Variants in CHRM3 observed in about 807,000 individuals in gnomAD.
CHRM3 encodes the protein muscarinic acetylcholine receptor M3.
In CHRM3, 11 loss-of-function variants were observed where a neutral mutation model predicts 41.8. The observed-to-expected ratio is 0.26, with a 90% confidence interval of 0.17 to 0.44. The LOEUF (loss-of-function observed/expected upper bound fraction) is 0.44, where lower values mean the gene tolerates loss of function less well. Among genes scored for constraint, CHRM3 ranks in the 20% least tolerant of loss-of-function variants. CHRM3 has a pLI of 1.00. For synonymous variants in CHRM3, 297 were observed against 301.4 expected (o/e 0.99, Z 0.15); for missense variants, 571 against 745.4 (o/e 0.77, Z 2.72).
chr1:239,539,936 A>G (rs1658591396), intron 2 of CHRM3, among the ~76,000 whole-genome samples: 2 of 151,902 alleles, frequency 1.3e-5, no homozygotes, highest in Non-Finnish European at 2.9e-5. Context: ...TTTTTACTTC[A>G]CCTTTTCTAT....
intron 4 of CHRM3, among the ~76,000 whole-genome samples, chr1:239,639,194 G>C (rs926644568): frequency 6.6e-6 from 1 of 152,142 alleles, no homozygotes; most frequent in Non-Finnish European, 1.5e-5. Flanking sequence ...AAGTCAGGTA[G>C]TATGATGCCT....
chr1:239,782,659 T>C (rs927387906), intron 5 of CHRM3, among the ~76,000 whole-genome samples: 7 of 152,096 alleles, frequency 4.6e-5, no homozygotes, highest in African/African-American at 1.7e-4. Context: ...CTGCTTACTT[T>C]GGAATTGATT....
chr1:239,435,991 G>A (rs993487603), intron 1 of CHRM3, among the ~76,000 whole-genome samples: 14 of 152,132 alleles, frequency 9.2e-5, no homozygotes, highest in Non-Finnish European at 2.1e-4. Flanking sequence ...GAAGTGGAAA[G>A]CTGACAAAGT....
At chr1:239,549,275 T>C (rs2148429993) in intron 3 of CHRM3, among the ~76,000 whole-genome samples, 1 of 152,190 alleles carries the variant, frequency 6.6e-6, no homozygotes, top group Middle Eastern at 3.4e-3. Context: ...TTTTGTGGAT[T>C]TCTACTTATC....
At chr1:239,832,454 TTGACCATGCTAAG>T (rs149901361) in intron 6 of CHRM3, among the ~76,000 whole-genome samples, 13,096 of 152,156 alleles carry the variant, frequency 0.086, 620 homozygotes, top group Non-Finnish European at 0.11. Context: ...CATTCCTTAC[TTGACCATGCTAAG>T]AAGCCCTCGT....
chr1:239,695,412 G>T (rs1433576094), intron 5 of CHRM3, among the ~76,000 whole-genome samples: 1 of 152,200 alleles, frequency 6.6e-6, no homozygotes, highest in East Asian at 1.9e-4. Context: ...TTTGTAGATT[G>T]TTATTTAGGA....
chr1:239,785,785 T>G (rs1171199280), intron 5 of CHRM3, among the ~76,000 whole-genome samples: 1 of 152,208 alleles, frequency 6.6e-6, no homozygotes, highest in African/African-American at 2.4e-5. Flanking sequence ...TGGAAGCAGC[T>G]GCCACTAATA....
chr1:239,703,969 C>T (rs1660913171), intron 5 of CHRM3: 1 of 152,102 alleles, frequency 6.6e-6, no homozygotes, highest in African/African-American at 2.4e-5. Flanking sequence ...GACATTTCAA[C>T]TGGAAAGAGC....
At chr1:239,642,767 G>A (rs1254995767) in intron 4 of CHRM3, among the ~76,000 whole-genome samples, 1 of 152,128 alleles carries the variant, frequency 6.6e-6, no homozygotes, top group Admixed American at 6.5e-5. Context: ...CTCTCAACTC[G>A]TCAAAGTCAT....
chr1:239,418,247 G>A (rs12129794), intron 1 of CHRM3, among the ~76,000 whole-genome samples: 3 of 152,066 alleles, frequency 2.0e-5, no homozygotes, highest in African/African-American at 7.2e-5. Flanking sequence ...CTGACATTCT[G>A]CTGGCAGCTC....
At chr1:239,744,992 G>T (rs1442807819) in intron 5 of CHRM3, among the ~76,000 whole-genome samples, 1 of 152,110 alleles carries the variant, frequency 6.6e-6, no homozygotes, top group Admixed American at 6.5e-5. Context: ...GCAAGGGGTG[G>T]TTTGGAATGA....
At chr1:239,730,215 TTATAGA>T (rs532337527) in intron 5 of CHRM3, among the ~76,000 whole-genome samples, 190 of 152,140 alleles carry the variant, frequency 1.2e-3, no homozygotes, top group South Asian at 3.7e-3. Flanking sequence ...TTTTAATATG[TTATAGA>T]TATATATCCC....
At position 239,877,882 on chromosome 1, in the gene CHRM3, A is replaced by C. The variant is rs532945611; in HGVS notation, c.-19-29551A>C. 6.8e-4 allele frequency among the ~76,000 whole-genome samples: 100 copies of C among 147,314 alleles called. 1 individual carries two copies. The highest frequency in any genetic ancestry group is 3.5e-3 in the Middle Eastern group (1 of 284). On this transcript the variant is annotated intron_variant, in intron 6 of 6. Transcript: ENST00000676153. The stretch of plus-strand genomic sequence containing the variant: ...GTGCATTACATTTATTGTGCACTTT[A>C]TTTCTTTCTTTTTTTTTTTTTTTAA...
chr1:239,684,709 G>A (rs1186581358), intron 5 of CHRM3, among the ~76,000 whole-genome samples: 2 of 92,400 alleles, frequency 2.2e-5, no homozygotes, highest in Admixed American at 1.2e-4. Context: ...GAGAGAGAGA[G>A]GAAAGAAGAA....
chr1:239,540,648 ACG>A (rs1361226080), intron 2 of CHRM3, among the ~76,000 whole-genome samples: 1 of 152,178 alleles, frequency 6.6e-6, no homozygotes, highest in Non-Finnish European at 1.5e-5. Flanking sequence ...CTACAAACAC[ACG>A]GTCTTATTAT....
At chr1:239,831,582 G>T (rs891158110) in intron 6 of CHRM3, among the ~76,000 whole-genome samples, 2 of 152,182 alleles carry the variant, frequency 1.3e-5, no homozygotes, top group African/African-American at 4.8e-5. Context: ...GTTATAGAAA[G>T]AATATCAAAC....
intron 1 of CHRM3, among the ~76,000 whole-genome samples, chr1:239,485,577 G>A (rs1667136582): frequency 6.6e-6 from 1 of 152,080 alleles, no homozygotes; most frequent in African/African-American, 2.4e-5. Context: ...ACCACACCTG[G>A]CTCCCTATTA....
chr1:239,814,486 A>G (rs1671405610), intron 5 of CHRM3, among the ~76,000 whole-genome samples: 1 of 152,172 alleles, frequency 6.6e-6, no homozygotes, highest in Non-Finnish European at 1.5e-5. Flanking sequence ...CCCAGCCCTC[A>G]CCACGGGAGG....
chr1:239,495,032 A>G (rs943958762), intron 2 of CHRM3, among the ~76,000 whole-genome samples: 1 of 152,120 alleles, frequency 6.6e-6, no homozygotes, highest in African/African-American at 2.4e-5. Context: ...AGAATTCTTT[A>G]ACATTTTTCA....
Sources: gnomAD v4.1 joint callset for allele counts (sites outside exome capture counted in the v4.1 genomes callset) on GRCh38, gnomAD v4.1.1 for gene constraint, MANE v1.5 for transcripts, NCBI Gene and HGNC (gene_info 2026-07-23, HGNC 2026-07-21) for gene names.